Variants in CTNNA2 observed in about 807,000 individuals in gnomAD.
CTNNA2 encodes the protein catenin alpha-2.
A neutral mutation model predicts 101.0 loss-of-function variants in CTNNA2; 42 were observed. That is an observed-to-expected ratio of 0.42 (90% confidence interval 0.32 to 0.54). The LOEUF is 0.54. Among genes scored for constraint, CTNNA2 ranks in the 20% least tolerant of loss-of-function variants. The pLI is 0.14. For missense variants in CTNNA2, 871 were observed against 1,223.1 expected (o/e 0.71, Z 4.29); for synonymous variants, 450 against 456.4 (o/e 0.99, Z 0.18).
intron 2 of CTNNA2, among the ~76,000 whole-genome samples, chr2:79,700,551 C>T (rs1293694250): frequency 6.6e-6 from 1 of 152,044 alleles, no homozygotes; most frequent in East Asian, 1.9e-4. Flanking sequence ...TTGTTTCCTG[C>T]CTGCCCTCCT....
intron 7 of CTNNA2, among the ~76,000 whole-genome samples, chr2:80,320,020 G>T (rs1037598415): frequency 6.6e-6 from 1 of 152,074 alleles, no homozygotes; most frequent in African/African-American, 2.4e-5. Flanking sequence ...ATCTTGTTCT[G>T]ATTCTGACAT....
chr2:80,305,742 G>T (rs946428180), intron 7 of CTNNA2, among the ~76,000 whole-genome samples: 18 of 151,106 alleles, frequency 1.2e-4, no homozygotes, highest in African/African-American at 4.4e-4. Flanking sequence ...GTCTGTAGAG[G>T]GTCTGCCCTG....
chr2:79,858,407 C>T (rs946507543), intron 4 of CTNNA2, among the ~76,000 whole-genome samples: 4 of 151,964 alleles, frequency 2.6e-5, no homozygotes, highest in African/African-American at 9.7e-5. Context: ...TTCCTAAAAA[C>T]TGAGAGTTTA....
chr2:79,920,747 C>A (rs968096119), intron 7 of CTNNA2, among the ~76,000 whole-genome samples: 7 of 152,124 alleles, frequency 4.6e-5, no homozygotes, highest in Non-Finnish European at 7.4e-5. Flanking sequence ...TTATTTAAGG[C>A]CCTGTCAGAG....
chr2:79,714,540 T>C (rs962307466), intron 2 of CTNNA2, among the ~76,000 whole-genome samples: 2 of 152,196 alleles, frequency 1.3e-5, no homozygotes, highest in Non-Finnish European at 2.9e-5. Flanking sequence ...TTCCTATCAA[T>C]GTACAGGCAA....
At chr2:79,896,673 A>G (rs965584234) in intron 6 of CTNNA2, among the ~76,000 whole-genome samples, 3 of 152,220 alleles carry the variant, frequency 2.0e-5, no homozygotes, top group African/African-American at 7.2e-5. Flanking sequence ...ACACAGGCGC[A>G]CTGCTGCCAG....
At chr2:79,452,446 A>G (rs527257946) in intron 4 of CTNNA2, among the ~76,000 whole-genome samples, 2 of 152,098 alleles carry the variant, frequency 1.3e-5, no homozygotes, top group African/African-American at 4.8e-5. Context: ...GCATCTACAC[A>G]TTGGTGAAAT....
chr2:80,143,475 G>A (rs532594143), intron 7 of CTNNA2, among the ~76,000 whole-genome samples: 1 of 151,968 alleles, frequency 6.6e-6, no homozygotes, highest in Non-Finnish European at 1.5e-5. Flanking sequence ...TTTGAAACAG[G>A]CAGTACATTA....
rs891509210 is a variant in CTNNA2 at position 80,075,600 on chromosome 2, ATATT to A, written c.1056+165807_1056+165810del. ...AATATTTATACATGTATAAATATAA[ATATT>A]TATACATGTATAAATATAAATATTT... On this transcript the variant is annotated intron_variant, in intron 7 of 18. Transcript: ENST00000402739. Among the ~76,000 whole-genome samples the A allele has an allele frequency of 9.2e-5, 10 of 108,900 alleles. 1 individual carries two copies. The highest frequency in any genetic ancestry group is 2.9e-4 in the African/African-American group (7 of 23,870). 71.4% of individuals were successfully genotyped at this position (108,900 alleles called of 152,430 possible).
chr2:79,189,552 T>C (rs1168017414), intron 1 of CTNNA2, among the ~76,000 whole-genome samples: 1 of 152,166 alleles, frequency 6.6e-6, no homozygotes, highest in Non-Finnish European at 1.5e-5. Flanking sequence ...TCCGATAATA[T>C]TGCTGCAAGA....
Position 79,909,611 on chromosome 2 carries a change from C to T in CTNNA2, c.870C>T (p.Asp290=), listed in dbSNP as rs1428121684. Residue 290 remains aspartate, a synonymous_variant, in exon 7 of 19, where the codon GAC becomes GAT. Coordinates refer to ENST00000402739, the MANE Select transcript of CTNNA2 (RefSeq NM_001282597.3). ...ACTTTCAGAATAAGATTATCCTGGA[C>T]CCCATGACGTTCAGCGAGGCCAGGT... ...LNEFDNKIIL[D]PMTFSEARFR... 6.2e-7 allele frequency: 1 copy of T among 1,611,922 alleles called. No homozygotes were observed. Among genetic ancestry groups the T allele is most frequent in the Non-Finnish European group, 8.5e-7 (1 of 1,178,414 alleles).
chr2:79,871,798 C>T (rs917420384), intron 5 of CTNNA2, among the ~76,000 whole-genome samples: 1 of 152,130 alleles, frequency 6.6e-6, no homozygotes, highest in Non-Finnish European at 1.5e-5. Flanking sequence ...CACATTGAAA[C>T]ATCAAATAGA....
At chr2:80,495,460 T>A (rs1333537873) in intron 9 of CTNNA2, among the ~76,000 whole-genome samples, 1 of 152,152 alleles carries the variant, frequency 6.6e-6, no homozygotes, top group Non-Finnish European at 1.5e-5. Context: ...TTAGGTTGAA[T>A]CTTTACCTCC....
rs139202589 is a variant in CTNNA2, at chr2:80,530,886, T to A, written c.1291-14096T>A. ...GCTTTGCACCCAAAGAAGCTTGAAC[T>A]TATACACTAAGGAGAGAATTAAAAC... On this transcript the variant is annotated intron_variant, in intron 9 of 18. Transcript: ENST00000402739. Among the ~76,000 whole-genome samples the A allele has an allele frequency of 4.9e-3, 740 of 152,280 alleles. 7 individuals carry two copies. The highest frequency in any genetic ancestry group is 0.016 in the African/African-American group (685 of 41,562).
intron 9 of CTNNA2, among the ~76,000 whole-genome samples, chr2:80,450,441 A>G (rs919166164): frequency 2.0e-5 from 3 of 152,184 alleles, no homozygotes; most frequent in African/African-American, 4.8e-5. Context: ...CATCTTCTAA[A>G]GGACAAAGAT....
At chr2:79,701,833 C>G (rs1685021253) in intron 2 of CTNNA2, among the ~76,000 whole-genome samples, 3 of 151,888 alleles carry the variant, frequency 2.0e-5, no homozygotes, top group South Asian at 2.1e-4. Flanking sequence ...GAAACCCTGT[C>G]TCTACTAAAA....
chr2:80,216,494 C>T (rs941648986), intron 7 of CTNNA2, among the ~76,000 whole-genome samples: 7 of 152,160 alleles, frequency 4.6e-5, no homozygotes, highest in Non-Finnish European at 7.3e-5. Context: ...TTGGAGGTGA[C>T]GCCTTTGGGA....
intron 3 of CTNNA2, among the ~76,000 whole-genome samples, chr2:79,352,131 A>T (rs1483011157): frequency 6.6e-6 from 1 of 152,086 alleles, no homozygotes; most frequent in Non-Finnish European, 1.5e-5. Context: ...TTGGTGTGAG[A>T]TGATATCTCG....
chr2:79,984,149 A>G (rs1345667427), intron 7 of CTNNA2, among the ~76,000 whole-genome samples: 3 of 152,232 alleles, frequency 2.0e-5, no homozygotes. Flanking sequence ...CTGGGTTTGC[A>G]GAAACTTCAA....
Sources: gnomAD v4.1 joint callset for allele counts (sites outside exome capture counted in the v4.1 genomes callset) on GRCh38, gnomAD v4.1.1 for gene constraint, MANE v1.5 for transcripts, NCBI Gene and HGNC (gene_info 2026-07-23, HGNC 2026-07-21) for gene names.